Variants in TNIK observed in about 807,000 individuals in gnomAD.
TNIK encodes the protein TRAF2 and NCK-interacting protein kinase.
In TNIK, 49 loss-of-function variants were observed where a neutral mutation model predicts 191.3. The observed-to-expected ratio is 0.26, with a 90% CI of 0.20 to 0.32. TNIK has a LOEUF of 0.32. Ranked by LOEUF, TNIK falls within the 10% of genes least tolerant of loss-of-function variation. The pLI is 1.00. For missense variants in TNIK, 1,155 were observed against 1,702.3 expected, an observed-to-expected ratio of 0.68 and a Z score of 5.66; for synonymous variants, 594 against 600.9, an observed-to-expected ratio of 0.99 and a Z score of 0.17.
chr3:171,127,172 C>T (rs1728591989), intron 16 of TNIK, among the ~76,000 whole-genome samples: 1 of 152,166 alleles, frequency 6.6e-6, no homozygotes, highest in South Asian at 2.1e-4. Context: ...ATTCAACAAA[C>T]ATTAGTTTAA....
chr3:171,340,804 G>A (rs1211842386), intron 2 of TNIK, among the ~76,000 whole-genome samples: 1 of 152,068 alleles, frequency 6.6e-6, no homozygotes, highest in Non-Finnish European at 1.5e-5. Flanking sequence ...CAAGAAAACA[G>A]GCAGTCCAAT....
intron 2 of TNIK, among the ~76,000 whole-genome samples, chr3:171,277,924 G>A (rs1264441095): frequency 1.3e-5 from 2 of 152,186 alleles, no homozygotes; most frequent in African/African-American, 4.8e-5. Flanking sequence ...CTCAACTCAG[G>A]AGGTTGAGTT....
At chr3:171,149,907 T>C (rs140529307) in intron 12 of TNIK, among the ~76,000 whole-genome samples, 153 of 152,312 alleles carry the variant, frequency 1.0e-3, no homozygotes, top group African/African-American at 3.4e-3. Flanking sequence ...GGGACACCTG[T>C]GGTTAATGAT....
intron 2 of TNIK, among the ~76,000 whole-genome samples, chr3:171,236,716 G>A (rs980544206): frequency 6.6e-6 from 1 of 152,130 alleles, no homozygotes; most frequent in Non-Finnish European, 1.5e-5. Flanking sequence ...ACTTTATGAG[G>A]CAACTCTGTC....
At position 171,349,549 on chromosome 3, in the gene TNIK, C is replaced by T. The variant is rs548283346; in HGVS notation, c.123+20071G>A. Among the ~76,000 whole-genome samples, 258 of 152,272 alleles carry T rather than the reference C, an allele frequency of 1.7e-3. 2 individuals are homozygous for T. Among genetic ancestry groups the T allele is most frequent in the African/African-American group, 5.6e-3 (234 of 41,540 alleles). On this transcript the variant is annotated intron_variant, in intron 2 of 32. Transcript: ENST00000436636. ...CTTCAGGGTGAGGAAGAAGCTGACTCCTGATTCCCAAGAGGCAGTGTCACA... is the reference window on the plus strand; with the variant it reads ...CTTCAGGGTGAGGAAGAAGCTGACTTCTGATTCCCAAGAGGCAGTGTCACA...
At chr3:171,068,727 A>G (rs758980541) in intron 30 of TNIK, 121 bp downstream of exon 30, 52 of 977,984 alleles carry the variant, frequency 5.3e-5, no homozygotes, top group Middle Eastern at 3.3e-4. Context: ...TGAAGAACGA[A>G]AGTCCATTTG....
rs1208781543 is a variant in TNIK, at chr3:171,325,443, A to G, written c.123+44177T>C. ...AACAAGTAAAACTTCAGGAAACACA[A>G]TTAAATTTTAGATAAAGTTAGTATG... On this transcript the variant is annotated intron_variant, in intron 2 of 32. Coordinates refer to ENST00000436636, the MANE Select transcript of TNIK (RefSeq NM_015028.4). Among the ~76,000 whole-genome samples, 3 of 152,150 alleles carry G rather than the reference A, an allele frequency of 2.0e-5. No individual in the cohort carries two copies. The East Asian group carries it at 5.8e-4, about 29-fold the overall frequency.
At chr3:171,219,549 C>G (rs1369787784) in intron 3 of TNIK, among the ~76,000 whole-genome samples, 1 of 151,666 alleles carries the variant, frequency 6.6e-6, no homozygotes, top group East Asian at 1.9e-4. Flanking sequence ...TGAGAAAGAA[C>G]TTTTAATGAA....
chr3:171,360,417 G>C (rs1490619478), intron 2 of TNIK, among the ~76,000 whole-genome samples: 1 of 152,232 alleles, frequency 6.6e-6, no homozygotes, highest in Non-Finnish European at 1.5e-5. Flanking sequence ...ATTCATGGAA[G>C]CAACTTGTGG....
intron 10 of TNIK, among the ~76,000 whole-genome samples, chr3:171,162,841 C>A (rs1327367341): frequency 1.3e-5 from 2 of 152,194 alleles, no homozygotes; most frequent in Non-Finnish European, 2.9e-5. Context: ...CAGAACTTTT[C>A]CAACTTAAAA....
intron 2 of TNIK, among the ~76,000 whole-genome samples, chr3:171,251,450 T>C (rs1393937744): frequency 6.6e-6 from 1 of 152,148 alleles, no homozygotes; most frequent in Admixed American, 6.5e-5. Context: ...ACTGCCATAA[T>C]AGTTATCAAC....
chr3:171,089,565 G>A (rs569564064), intron 23 of TNIK, among the ~76,000 whole-genome samples: 1 of 152,268 alleles, frequency 6.6e-6, no homozygotes, highest in East Asian at 1.9e-4. Flanking sequence ...AGGGGAAGTG[G>A]CTCAGATAGT....
intron 1 of TNIK, among the ~76,000 whole-genome samples, chr3:171,439,294 A>C (rs2108683210): frequency 6.6e-6 from 1 of 151,332 alleles, no homozygotes; most frequent in African/African-American, 2.4e-5. Flanking sequence ...CAGTGAGCTG[A>C]GATGGTGCCA....
chr3:171,139,780 T>C (rs140706398), intron 13 of TNIK, among the ~76,000 whole-genome samples: 1 of 152,314 alleles, frequency 6.6e-6, no homozygotes, highest in Non-Finnish European at 1.5e-5. Flanking sequence ...CTGACTGCGA[T>C]GTCTCGGCAT....
At chr3:171,429,924 A>T (rs1439165986) in intron 1 of TNIK, among the ~76,000 whole-genome samples, 1 of 152,138 alleles carries the variant, frequency 6.6e-6, no homozygotes, top group African/African-American at 2.4e-5. Context: ...CATCACAGTG[A>T]TTCTAAAAAT....
At chr3:171,288,228 T>G in intron 2 of TNIK, among the ~76,000 whole-genome samples, 1 of 142,674 alleles carries the variant, frequency 7.0e-6, no homozygotes. Context: ...AGATGACGAG[T>G]TAGTGGGTGC....
rs193049216 is a variant in TNIK at position 171,319,319 on chromosome 3, T to C, written c.123+50301A>G. ...TCCATAGTTTTATAGAAAATGTTTA[T>C]ATTGTTGGGCAAAAATTCTGCAGTT... On this transcript the variant is annotated intron_variant, in intron 2 of 32. Coordinates refer to ENST00000436636, the MANE Select transcript of TNIK (RefSeq NM_015028.4). Among the ~76,000 whole-genome samples, 58 of 152,324 alleles carry C rather than the reference T, an allele frequency of 3.8e-4. No individual in the cohort carries two copies. The East Asian group carries it at 8.5e-3, about 22-fold the overall frequency.
intron 12 of TNIK, among the ~76,000 whole-genome samples, chr3:171,150,239 A>G (rs981626619): frequency 6.6e-6 from 1 of 152,226 alleles, no homozygotes; most frequent in Non-Finnish European, 1.5e-5. Flanking sequence ...GAACTTATTC[A>G]GGTGTTTACT....
At chr3:171,406,367 C>G (rs764361972) in intron 1 of TNIK, among the ~76,000 whole-genome samples, 1 of 152,118 alleles carries the variant, frequency 6.6e-6, no homozygotes, top group South Asian at 2.1e-4. Flanking sequence ...ACCCAGAGCT[C>G]GGAGGCCATG....
Sources: gnomAD v4.1 joint callset for allele counts (sites outside exome capture counted in the v4.1 genomes callset) on GRCh38, gnomAD v4.1.1 for gene constraint, MANE v1.5 for transcripts, NCBI Gene and HGNC (gene_info 2026-07-23, HGNC 2026-07-21) for gene names.